Variants in TTC7A observed in about 807,000 individuals in gnomAD.
The protein encoded by TTC7A is tetratricopeptide repeat protein 7A.
Under a neutral mutation model 103.7 loss-of-function variants are expected in TTC7A, and 110 were observed. The observed-to-expected ratio is 1.06, with a 90% CI of 0.91 to 1.24. TTC7A has a LOEUF of 1.24. TTC7A is among the 50% of genes most tolerant of loss of function. The pLI is 0.00. For missense variants in TTC7A, 1,340 were observed against 1,116.3 expected, an observed-to-expected ratio of 1.20 and a Z score of -2.86; for synonymous variants, 521 against 467.9, an observed-to-expected ratio of 1.11 and a Z score of -1.47.
chr2:46,923,961 C>A (rs1048164049), intron 2 of TTC7A, among the ~76,000 whole-genome samples: 1 of 152,104 alleles, frequency 6.6e-6, no homozygotes, highest in African/African-American at 2.4e-5. Flanking sequence ...GTCTCGAACT[C>A]CTGACCTCAG....
chr2:47,065,291 A>C (rs1684093699), intron 19 of TTC7A, among the ~76,000 whole-genome samples: 1 of 152,260 alleles, frequency 6.6e-6, no homozygotes, highest in African/African-American at 2.4e-5. Context: ...CGTCTCAAAA[A>C]GGAAAAAAAT....
At chr2:46,971,365 T>G (rs938904017) in intron 3 of TTC7A, among the ~76,000 whole-genome samples, 1 of 152,122 alleles carries the variant, frequency 6.6e-6, no homozygotes, top group South Asian at 2.1e-4. Flanking sequence ...GTGGATACAT[T>G]CCAGGCAGGA....
chr2:46,952,616 G>A (rs914245138), intron 2 of TTC7A, among the ~76,000 whole-genome samples: 9 of 152,116 alleles, frequency 5.9e-5, no homozygotes, highest in Admixed American at 5.9e-4. Flanking sequence ...GCTAGGCGTG[G>A]TGGCTTGCAC....
chr2:46,962,337 T>A (rs952758102), intron 3 of TTC7A, among the ~76,000 whole-genome samples: 2 of 152,170 alleles, frequency 1.3e-5, no homozygotes, highest in African/African-American at 4.8e-5. Context: ...TCCTCCCAGC[T>A]CACTTGGACC....
chr2:46,983,486 T>G (rs1357435321), intron 5 of TTC7A, among the ~76,000 whole-genome samples: 1 of 152,220 alleles, frequency 6.6e-6, no homozygotes, highest in East Asian at 1.9e-4. Context: ...CTGCCAGTTG[T>G]GAGCTCCCAG....
intron 2 of TTC7A, among the ~76,000 whole-genome samples, chr2:46,922,168 G>T (rs969920831): frequency 6.6e-6 from 1 of 152,184 alleles, no homozygotes; most frequent in Non-Finnish European, 1.5e-5. Context: ...GTTACTTATA[G>T]ATTCTGATGA....
At chr2:46,924,317 A>G (rs996155911) in intron 2 of TTC7A, among the ~76,000 whole-genome samples, 6 of 151,600 alleles carry the variant, frequency 4.0e-5, no homozygotes, top group African/African-American at 1.5e-4. Context: ...GCTCATCAAC[A>G]TTCTTCCCTT....
intron 15 of TTC7A, among the ~76,000 whole-genome samples, chr2:47,030,102 A>G (rs572016249): frequency 6.6e-6 from 1 of 152,320 alleles, no homozygotes; most frequent in East Asian, 1.9e-4. Context: ...TGTTTCTCAG[A>G]ACCCTGTGAT....
intron 3 of TTC7A, among the ~76,000 whole-genome samples, chr2:46,969,450 T>A (rs973818935): frequency 1.3e-5 from 2 of 151,818 alleles, no homozygotes; most frequent in South Asian, 4.2e-4. Context: ...GAGCTTGCAG[T>A]GAGCCGAGAT....
intron 18 of TTC7A, among the ~76,000 whole-genome samples, chr2:47,055,797 G>A (rs555850525): frequency 2.6e-5 from 4 of 152,274 alleles, no homozygotes; most frequent in East Asian, 1.9e-4. Context: ...CACCCCAGGT[G>A]TCTCCTGGGC....
At chr2:47,018,725 A>T (rs1390064320) in intron 11 of TTC7A, among the ~76,000 whole-genome samples, 3 of 151,298 alleles carry the variant, frequency 2.0e-5, no homozygotes, top group Non-Finnish European at 4.4e-5. Flanking sequence ...AATAATAGTT[A>T]TTTTTTTTTA....
At chr2:47,062,580 TA>T (rs1683877741) in intron 19 of TTC7A, among the ~76,000 whole-genome samples, 1 of 152,212 alleles carries the variant, frequency 6.6e-6, no homozygotes, top group Non-Finnish European at 1.5e-5. Context: ...GGGTGTGGGC[TA>T]TATCATTGGG....
chr2:47,008,882 G>C (rs1677712778), intron 10 of TTC7A, among the ~76,000 whole-genome samples: 4 of 149,692 alleles, frequency 2.7e-5, no homozygotes, highest in Non-Finnish European at 4.4e-5. Flanking sequence ...CATTGGCTGT[G>C]TTGCTAGGTA....
chr2:47,001,859 CA>C (rs397871545), intron 8 of TTC7A, among the ~76,000 whole-genome samples: 24,699 of 90,152 alleles, frequency 0.27, 2,470 homozygotes, highest in African/African-American at 0.42. Flanking sequence ...GACTCTGTCT[CA>C]AAAAAAAAAA....
chr2:46,975,225 A>G, intron 4 of TTC7A, 122 bp downstream of exon 4: 1 of 1,299,394 alleles, frequency 7.7e-7, no homozygotes, highest in South Asian at 1.3e-5. Context: ...TCTGTCCCCC[A>G]AAGACACTCT....
chr2:47,034,751 CT>C (rs1444953253), intron 15 of TTC7A, among the ~76,000 whole-genome samples: 2 of 152,204 alleles, frequency 1.3e-5, no homozygotes, highest in African/African-American at 4.8e-5. Context: ...TTCCCACCCC[CT>C]GGAACCTCCG....
chr2:46,976,865 T>C (rs1057471512), intron 4 of TTC7A, among the ~76,000 whole-genome samples: 7 of 152,122 alleles, frequency 4.6e-5, no homozygotes, highest in Admixed American at 6.5e-5. Context: ...GATTGGACTT[T>C]AGGAGGAAAG....
chr2:47,055,683 G>T (rs183552811), intron 18 of TTC7A, among the ~76,000 whole-genome samples: 1 of 152,176 alleles, frequency 6.6e-6, no homozygotes, highest in African/African-American at 2.4e-5. Context: ...CTCATGGGTA[G>T]CTCTGGGCTT....
chr2:47,036,244 G>A (rs1681092265), intron 15 of TTC7A, among the ~76,000 whole-genome samples: 1 of 152,162 alleles, frequency 6.6e-6, no homozygotes, highest in Non-Finnish European at 1.5e-5. Flanking sequence ...CAGCCCTGGG[G>A]CCCTTCACCA....
Sources: gnomAD v4.1 joint callset for allele counts (sites outside exome capture counted in the v4.1 genomes callset) on GRCh38, gnomAD v4.1.1 for gene constraint, MANE v1.5 for transcripts, NCBI Gene and HGNC (gene_info 2026-07-23, HGNC 2026-07-21) for gene names.